The following TTYH2 variants were observed in gnomAD, a reference collection of about 807,000 sequenced individuals.
TTYH2 encodes protein tweety homolog 2.
A neutral mutation model predicts 68.3 loss-of-function variants in TTYH2; 49 were observed. The ratio of observed to expected loss-of-function variants is 0.72; its 90% CI spans 0.57 to 0.91. The LOEUF is 0.91. Ranked by LOEUF, TTYH2 falls within the 40% of genes least tolerant of loss-of-function variation. The probability of loss-of-function intolerance (pLI) is 0.00; values close to 1 mark genes in which losing one functional copy is unlikely to be tolerated. For missense variants in TTYH2, 631 were observed against 700.4 expected (o/e 0.90, Z 1.12); for synonymous variants, 272 against 300.8 (o/e 0.90, Z 0.99).
intron 2 of TTYH2, among the ~76,000 whole-genome samples, chr17:74,230,062 C>T (rs1185154550): frequency 6.6e-6 from 1 of 151,982 alleles, no homozygotes; most frequent in East Asian, 1.9e-4. Context: ...ACCCAGGAGT[C>T]GGGGGTTACA....
chr17:74,258,077 C>T lies in TTYH2; in HGVS notation c.1525-2052C>T, dbSNP rs111347458. On this transcript the variant is annotated intron_variant, in intron 13 of 13. Transcript: ENST00000269346. Reference sequence around the variant, plus strand: ...GCTGAGGCAGGAGAATCACTTGAACCCAGGAGGCGGAGGTTGTAGTGAGCT... The same window carrying T: ...GCTGAGGCAGGAGAATCACTTGAACTCAGGAGGCGGAGGTTGTAGTGAGCT... Among the ~76,000 whole-genome samples, 547 of 149,178 alleles carry T rather than the reference C, an allele frequency of 3.7e-3. 3 individuals carry two copies. Among genetic ancestry groups the T allele is most frequent in the African/African-American group, 0.013 (531 of 40,482 alleles).
At chr17:74,250,983 A>T (rs556741345) in intron 10 of TTYH2, among the ~76,000 whole-genome samples, 82 of 152,268 alleles carry the variant, frequency 5.4e-4, no homozygotes, top group African/African-American at 1.9e-3. Flanking sequence ...TTTCCTAGGA[A>T]ATTGACTTGC....
At chr17:74,235,406 T>C (rs1316776383) in intron 3 of TTYH2, among the ~76,000 whole-genome samples, 1 of 152,232 alleles carries the variant, frequency 6.6e-6, no homozygotes, top group Admixed American at 6.5e-5. Flanking sequence ...TGGTTTAGTG[T>C]GACAGTTTCA....
intron 6 of TTYH2, among the ~76,000 whole-genome samples, chr17:74,246,062 G>A (rs562029792): frequency 4.7e-4 from 72 of 152,338 alleles, no homozygotes; most frequent in African/African-American, 1.7e-3. Context: ...GGTGTCTGGG[G>A]TGAGGGGCTA....
chr17:74,251,234 G>T (rs2050622416), intron 10 of TTYH2, among the ~76,000 whole-genome samples: 1 of 151,084 alleles, frequency 6.6e-6, no homozygotes, highest in Non-Finnish European at 1.5e-5. Flanking sequence ...GCCTGTATGT[G>T]TGTGTGGGGT....
chr17:74,216,571 GTCC>G (rs1295098479), intron 1 of TTYH2, among the ~76,000 whole-genome samples: 1 of 152,192 alleles, frequency 6.6e-6, no homozygotes, highest in Non-Finnish European at 1.5e-5. Context: ...AAAGCCCCCA[GTCC>G]TCCTGATAGT....
At chr17:74,237,210 A>G (rs1174072743) in intron 3 of TTYH2, 84 bp from the exon 4 acceptor site, 36 of 1,393,400 alleles carry the variant, frequency 2.6e-5, no homozygotes, top group Non-Finnish European at 3.5e-5. Flanking sequence ...TGGCCAGGCC[A>G]CCTTCTGCTG....
intron 13 of TTYH2, among the ~76,000 whole-genome samples, chr17:74,259,377 C>T (rs924333892): frequency 6.6e-6 from 1 of 151,964 alleles, no homozygotes; most frequent in Non-Finnish European, 1.5e-5. Flanking sequence ...CCATGCCCAG[C>T]TAATTTTTTG....
chr17:74,232,976 G>T lies in TTYH2; in HGVS notation c.414+1977G>T, dbSNP rs1048976797. ...CACTCTCTGAAATCCCTGCTCCAGG[G>T]CCAGGTTTGGACATTTCACAGCAGG... On this transcript the variant is annotated intron_variant, in intron 3 of 13. Coordinates refer to ENST00000269346, the MANE Select transcript of TTYH2 (RefSeq NM_032646.6). The surrounding 1 kb of genome is among the most constrained non-coding windows in gnomAD (Gnocchi z 5.1). Among the ~76,000 whole-genome samples, 1 of 152,138 alleles carries T rather than the reference G, an allele frequency of 6.6e-6. No individual in the cohort carries two copies. The highest frequency in any genetic ancestry group is 1.5e-5 in the Non-Finnish European group (1 of 67,994).
chr17:74,223,293 G>A (rs1369638851), intron 2 of TTYH2, among the ~76,000 whole-genome samples: 2 of 121,990 alleles, frequency 1.6e-5, no homozygotes, highest in Non-Finnish European at 3.1e-5. Flanking sequence ...TTTGGGGGGC[G>A]GGGGGTGGGC....
intron 10 of TTYH2, among the ~76,000 whole-genome samples, chr17:74,251,446 A>G (rs1436227208): frequency 6.6e-6 from 1 of 152,010 alleles, no homozygotes; most frequent in African/African-American, 2.4e-5. Flanking sequence ...TTGGCACATC[A>G]GGGGCTTGGG....
Position 74,237,423 on chromosome 17 carries a change from G to A in TTYH2, c.544G>A (p.Val182Ile). Residue 182 changes from valine to isoleucine, a missense_variant, in exon 4 of 14, where the codon GTT becomes ATT. Transcript: ENST00000269346. ...CATACAGCAGATGGCGGGCAGCGTTGTTGTTCAGCTCTCAGGACTGCCCGT... is the reference window on the plus strand; with the variant it reads ...CATACAGCAGATGGCGGGCAGCGTTATTGTTCAGCTCTCAGGACTGCCCGT... ...KFIQQMAGSV[V>I]VQLSGLPVWR... 4 of 1,614,148 alleles carry A rather than the reference G, an allele frequency of 2.5e-6. No homozygotes were observed. Among genetic ancestry groups the A allele is most frequent in the Non-Finnish European group, 3.4e-6 (4 of 1,180,024 alleles).
At position 74,222,565 on chromosome 17, in the gene TTYH2, A is replaced by C. The variant is rs769671451; in HGVS notation, c.210A>C (p.Ala70=). 30 of 1,612,642 alleles carry C rather than the reference A, an allele frequency of 1.9e-5. No homozygotes were observed. The Admixed American group carries it at 4.3e-4, about 23-fold the overall frequency. Residue 70 remains alanine (A), a synonymous_variant, in exon 2 of 14, where the codon GCA becomes GCC. Transcript: ENST00000269346. The surrounding 1 kb of genome is among the most constrained non-coding windows in gnomAD (Gnocchi z 5.2). ...LIFLVAYLVC[A]CHCRRDDAVQ... Reference sequence around the variant, plus strand: ...TCCTTGTGGCTTACCTGGTCTGTGCATGCCACTGCCGGCGGGACGATGCGG... The same window carrying C: ...TCCTTGTGGCTTACCTGGTCTGTGCCTGCCACTGCCGGCGGGACGATGCGG...
chr17:74,249,884 GGGC>G, intron 8 of TTYH2, 49 bp from the exon 9 acceptor site: 1 of 1,429,022 alleles, frequency 7.0e-7, no homozygotes. Context: ...CCTCACTGTG[GGGC>G]TCCTGGGAGA....
rs886219156 is a variant in TTYH2 at position 74,213,732 on chromosome 17, C to T, written c.129+16C>T. ...TTACCAGGAGGTAAGTTTACGCCGC[C>T]CCAGACCGCAGCCACGCGCGCCCCA... On this transcript the variant is annotated intron_variant, in intron 1 of 13. Coordinates refer to ENST00000269346, the MANE Select transcript of TTYH2 (RefSeq NM_032646.6). The surrounding 1 kb of genome is among the most constrained non-coding windows in gnomAD (Gnocchi z 6.1). 6.2e-7 allele frequency: 1 copy of T among 1,607,296 alleles called. No homozygotes were observed. Among genetic ancestry groups the T allele is most frequent in the South Asian group, 1.1e-5 (1 of 90,436 alleles).
At position 74,261,912 on chromosome 17, in the gene TTYH2, G is replaced by A. The variant is rs2050754961; in HGVS notation, c.*1703G>A. 1 of 152,598 alleles carries A rather than the reference G, an allele frequency of 6.6e-6. No individual in the cohort carries two copies. The highest frequency in any genetic ancestry group is 2.1e-4 in the South Asian group (1 of 4,834). 9.5% of individuals were successfully genotyped at this position (152,598 alleles called of 1,614,324 possible). A position where few individuals can be genotyped will look rare whatever the true frequency, so the allele number is the denominator to read the frequency against. Reference sequence around the variant, plus strand: ...AACTAGAGGGTTGTTTTTAATGCATGGAAACTAAACAGATTCCTCGGGGAG... The same window carrying A: ...AACTAGAGGGTTGTTTTTAATGCATAGAAACTAAACAGATTCCTCGGGGAG... On this transcript the variant is annotated 3_prime_UTR_variant, in exon 14 of 14. Transcript: ENST00000269346.
chr17:74,228,977 T>G (rs1313097027), intron 2 of TTYH2, among the ~76,000 whole-genome samples: 1 of 152,168 alleles, frequency 6.6e-6, no homozygotes, highest in Admixed American at 6.5e-5. Flanking sequence ...TTCAGCTGTC[T>G]GATGGGGCAC....
chr17:74,233,764 G>C (rs957878023), intron 3 of TTYH2, among the ~76,000 whole-genome samples: 1 of 151,966 alleles, frequency 6.6e-6, no homozygotes, highest in African/African-American at 2.4e-5. Context: ...GTCCTGGGAG[G>C]GCTGCACGCC....
intron 2 of TTYH2, among the ~76,000 whole-genome samples, 174 bp from the exon 3 acceptor site, chr17:74,230,714 C>G (rs1011322040): frequency 1.3e-5 from 2 of 151,196 alleles, no homozygotes; most frequent in African/African-American, 4.9e-5. Context: ...GATCTTGGCT[C>G]ACTGCAACCT....
Sources: allele counts gnomAD v4.1 joint callset (sites outside exome capture counted in the v4.1 genomes callset), GRCh38; gene constraint gnomAD v4.1.1; non-coding constraint Gnocchi (gnomAD v3.1); transcripts MANE v1.5; gene names NCBI Gene and HGNC (gene_info 2026-07-23, HGNC 2026-07-21).